Variants in SOX6 observed in about 807,000 individuals in gnomAD.
SOX6 encodes SRY-box transcription factor 6.
Under a neutral mutation model 97.8 loss-of-function variants are expected in SOX6, and 11 were observed. The ratio of observed to expected loss-of-function variants is 0.11; its 90% CI spans 0.07 to 0.19. SOX6 has a LOEUF of 0.19. Among genes scored for constraint, SOX6 ranks in the 10% least tolerant of loss-of-function variants. SOX6 has a pLI of 1.00. For missense variants in SOX6, 810 were observed against 1,039.5 expected (o/e 0.78, Z 3.04); for synonymous variants, 360 against 371.4 (o/e 0.97, Z 0.35).
chr11:16,524,398 T>G (rs1334847204), intron 4 of SOX6, among the ~76,000 whole-genome samples: 5 of 152,090 alleles, frequency 3.3e-5, no homozygotes, highest in Non-Finnish European at 7.4e-5. Flanking sequence ...TCTCAATAGA[T>G]GCAGAAAAGG....
intron 12 of SOX6, among the ~76,000 whole-genome samples, chr11:16,020,096 G>T (rs1855008612): frequency 6.6e-6 from 1 of 152,124 alleles, no homozygotes; most frequent in African/African-American, 2.4e-5. Context: ...CCCTGCAAAA[G>T]CAGCTTTCTC....
At chr11:16,390,128 GA>G (rs1287143811) in intron 1 of SOX6, among the ~76,000 whole-genome samples, 1 of 151,970 alleles carries the variant, frequency 6.6e-6, no homozygotes, top group Non-Finnish European at 1.5e-5. Context: ...ATGGTTTGGG[GA>G]TCAGTCAGAG....
At chr11:16,466,800 G>A (rs921766426) in intron 1 of SOX6, among the ~76,000 whole-genome samples, 1 of 148,930 alleles carries the variant, frequency 6.7e-6, no homozygotes, top group Non-Finnish European at 1.5e-5. Context: ...GCGTAGTGGC[G>A]GGCGCCTGTA....
chr11:16,015,188 C>T lies in SOX6; in HGVS notation c.1624-138G>A. On this transcript the variant is annotated intron_variant, in intron 12 of 15. Coordinates refer to ENST00000683767, the MANE Select transcript of SOX6 (RefSeq NM_001367873.1). The stretch of plus-strand genomic sequence containing the variant: ...ACCAATGTGGACTCTGAAAATCTTT[C>T]AGGAAGATTCCGTTGAAAGCTGTTT... 1.0e-5 allele frequency: 8 copies of T among 764,144 alleles called. No homozygotes were observed. In the South Asian group the frequency reaches 1.2e-4, roughly 12 times the overall value. 47.3% of individuals were successfully genotyped at this position (764,144 alleles called of 1,614,324 possible). A position where few individuals can be genotyped will look rare whatever the true frequency, so the allele number is the denominator to read the frequency against.
At chr11:16,075,789 G>C (rs1848339020) in intron 9 of SOX6, among the ~76,000 whole-genome samples, 1 of 151,906 alleles carries the variant, frequency 6.6e-6, no homozygotes, top group South Asian at 2.1e-4. Context: ...ATGTGCCCTA[G>C]AACTTAAAGT....
At chr11:16,095,854 CT>C in intron 9 of SOX6, 141 bp downstream of exon 9, 2 of 997,432 alleles carry the variant, frequency 2.0e-6, no homozygotes, top group Non-Finnish European at 2.9e-6. Flanking sequence ...GAAGAGCCTC[CT>C]TAGGAATGAG....
intron 1 of SOX6, among the ~76,000 whole-genome samples, chr11:16,345,037 C>T (rs563382397): frequency 6.6e-6 from 1 of 151,974 alleles, no homozygotes; most frequent in Admixed American, 6.6e-5. Context: ...CAATCAAATG[C>T]GCCCAATTCT....
chr11:16,602,348 TC>T (rs1848280674), intron 4 of SOX6, among the ~76,000 whole-genome samples: 2 of 152,182 alleles, frequency 1.3e-5, no homozygotes, highest in South Asian at 2.1e-4. Context: ...GTACTTGATA[TC>T]GGGATCCTGC....
At chr11:16,327,714 C>T (rs1219726043) in intron 2 of SOX6, among the ~76,000 whole-genome samples, 1 of 152,026 alleles carries the variant, frequency 6.6e-6, no homozygotes, top group East Asian at 1.9e-4. Flanking sequence ...CAGAGGAGAA[C>T]AGTGGGCTGG....
At chr11:16,366,048 C>T (rs908573319) in intron 1 of SOX6, among the ~76,000 whole-genome samples, 3 of 152,034 alleles carry the variant, frequency 2.0e-5, no homozygotes, top group African/African-American at 4.8e-5. Context: ...TATGCAGTGC[C>T]GAACAAGTGG....
intron 9 of SOX6, among the ~76,000 whole-genome samples, chr11:16,087,349 T>C (rs1848600634): frequency 6.6e-6 from 1 of 152,140 alleles, no homozygotes. Context: ...AATTTACACA[T>C]CAATTATAGC....
chr11:16,684,139 TAAA>T, intron 3 of SOX6, among the ~76,000 whole-genome samples: 1 of 151,696 alleles, frequency 6.6e-6, no homozygotes, highest in East Asian at 1.9e-4. Flanking sequence ...ACTGTGGGTG[TAAA>T]TTAGTTCAAC....
chr11:16,096,360 G>T (rs1021876541), intron 8 of SOX6, among the ~76,000 whole-genome samples: 1 of 151,828 alleles, frequency 6.6e-6, no homozygotes, highest in African/African-American at 2.4e-5. Flanking sequence ...AGGAAGAGAA[G>T]AAATATATTA....
intron 2 of SOX6, among the ~76,000 whole-genome samples, chr11:16,727,426 T>C (rs1848315065): frequency 6.8e-6 from 1 of 146,702 alleles, no homozygotes; most frequent in South Asian, 2.5e-4. Context: ...TACTGAAATA[T>C]CACTTTCTTC....
intron 4 of SOX6, among the ~76,000 whole-genome samples, chr11:16,570,841 C>T (rs1847931025): frequency 6.6e-6 from 1 of 152,096 alleles, no homozygotes; most frequent in Non-Finnish European, 1.5e-5. Context: ...TGTAGATTGA[C>T]AATTTAAAGC....
chr11:16,220,185 G>C (rs1852496589), intron 4 of SOX6, among the ~76,000 whole-genome samples: 1 of 151,952 alleles, frequency 6.6e-6, no homozygotes, highest in Non-Finnish European at 1.5e-5. Context: ...CATATTAACT[G>C]TGTGTTCAGA....
intron 4 of SOX6, among the ~76,000 whole-genome samples, chr11:16,565,074 GAAT>G (rs1168610557): frequency 6.6e-6 from 1 of 151,998 alleles, no homozygotes; most frequent in Non-Finnish European, 1.5e-5. Flanking sequence ...GACTGACAAA[GAAT>G]GAGAGAAAAC....
At chr11:16,683,246 C>T (rs1156646540) in intron 3 of SOX6, among the ~76,000 whole-genome samples, 1 of 152,106 alleles carries the variant, frequency 6.6e-6, no homozygotes, top group East Asian at 1.9e-4. Context: ...TTAACATTCA[C>T]ATGGAACCAA....
At chr11:16,506,633 C>T (rs1590226962) in intron 4 of SOX6, among the ~76,000 whole-genome samples, 1 of 152,138 alleles carries the variant, frequency 6.6e-6, no homozygotes, top group East Asian at 1.9e-4. Context: ...TGGTTCTGTG[C>T]CCCCAACCAA....
Sources: allele counts gnomAD v4.1 joint callset (sites outside exome capture counted in the v4.1 genomes callset), GRCh38; gene constraint gnomAD v4.1.1; transcripts MANE v1.5; gene names NCBI Gene and HGNC (gene_info 2026-07-23, HGNC 2026-07-21).